The following MIDEAS variants were observed in gnomAD, a reference collection of about 807,000 sequenced individuals.
The protein encoded by MIDEAS is mitotic deacetylase associated SANT domain protein.
In MIDEAS, 26 loss-of-function variants were observed where a neutral mutation model predicts 102.7. The observed-to-expected ratio is 0.25, with a 90% CI of 0.19 to 0.35. MIDEAS has a LOEUF of 0.35. Among genes scored for constraint, MIDEAS ranks in the 10% least tolerant of loss-of-function variants. The pLI, the probability that MIDEAS is intolerant of heterozygous loss-of-function variation, is 1.00. For missense variants in MIDEAS, 1,231 were observed against 1,435.6 expected, an observed-to-expected ratio of 0.86 and a Z score of 2.30; for synonymous variants, 585 against 591.0, an observed-to-expected ratio of 0.99 and a Z score of 0.15.
At chr14:73,730,913 G>A (rs149920940) in intron 3 of MIDEAS, among the ~76,000 whole-genome samples, 3,437 of 152,200 alleles carry the variant, frequency 0.023, 56 homozygotes, top group Middle Eastern at 0.037. Context: ...AGCCAAGGTC[G>A]TGCCACTGCA....
chr14:73,721,200 A>G (rs2052983888), intron 11 of MIDEAS, 97 bp downstream of exon 11: 2 of 1,125,058 alleles, frequency 1.8e-6, no homozygotes, highest in Admixed American at 3.5e-5. Context: ...TTATGATTAT[A>G]ATGAGGATCA....
At chr14:73,743,867 G>A (rs1393470678) in intron 1 of MIDEAS, among the ~76,000 whole-genome samples, 2 of 152,000 alleles carry the variant, frequency 1.3e-5, no homozygotes, top group Non-Finnish European at 1.5e-5. Flanking sequence ...TGACTGTCAC[G>A]CTCTATTCAC....
chr14:73,769,326 A>C (rs894401541), intron 1 of MIDEAS, among the ~76,000 whole-genome samples: 1 of 152,244 alleles, frequency 6.6e-6, no homozygotes, highest in Admixed American at 6.5e-5. Context: ...GAGGCTCTGC[A>C]GTCACAGGAC....
At chr14:73,750,818 T>C (rs1293486337) in intron 1 of MIDEAS, among the ~76,000 whole-genome samples, 3 of 152,236 alleles carry the variant, frequency 2.0e-5, no homozygotes, top group South Asian at 2.1e-4. Flanking sequence ...CAATGCTTCA[T>C]GCCTCCATTT....
At chr14:73,786,009 C>T (rs960894006) in intron 1 of MIDEAS, among the ~76,000 whole-genome samples, 1 of 152,238 alleles carries the variant, frequency 6.6e-6, no homozygotes, top group East Asian at 1.9e-4. Context: ...TGTGTATAAA[C>T]ATCCACGCCA....
rs1242452554 is a variant in MIDEAS, at chr14:73,715,693, G to A, written c.*3150C>T. On this transcript the variant is annotated 3_prime_UTR_variant, in exon 13 of 13. Coordinates refer to ENST00000423556, the MANE Select transcript of MIDEAS (RefSeq NM_001367710.1). ...TACCGTCCCAGAAAAGCGAGCCCCA[G>A]TGAAAACAACTAAACAGGCTGAGGC... 1 of 152,584 alleles carries A rather than the reference G, an allele frequency of 6.6e-6. No individual in the cohort carries two copies. The highest frequency in any genetic ancestry group is 6.5e-5 in the Admixed American group (1 of 15,284). The allele number at this position is 152,584 out of a possible 1,614,324, so 9.5% of individuals were successfully genotyped here.
At chr14:73,730,040 A>G (rs768199211) in intron 3 of MIDEAS, 55 bp from the exon 4 acceptor site, 4 of 1,562,048 alleles carry the variant, frequency 2.6e-6, no homozygotes, top group Admixed American at 3.5e-5. Context: ...CAGAGAAAGT[A>G]AAGTCTTAAC....
At chr14:73,765,890 TC>T (rs1486418121) in intron 1 of MIDEAS, among the ~76,000 whole-genome samples, 1 of 152,104 alleles carries the variant, frequency 6.6e-6, no homozygotes, top group Non-Finnish European at 1.5e-5. Context: ...TGGTACAATG[TC>T]CCCCAGATGC....
At chr14:73,775,734 C>T (rs554841869) in intron 1 of MIDEAS, among the ~76,000 whole-genome samples, 1 of 152,156 alleles carries the variant, frequency 6.6e-6, no homozygotes, top group African/African-American at 2.4e-5. Context: ...AACTGAATGA[C>T]CAAGATTCCA....
chr14:73,748,621 A>G (rs1480800277), intron 1 of MIDEAS, among the ~76,000 whole-genome samples: 1 of 151,626 alleles, frequency 6.6e-6, no homozygotes. Context: ...CTAATATCAG[A>G]CAAAATATGT....
Position 73,721,309 on chromosome 14 carries a change from C to T in MIDEAS, c.2925G>A (p.Gln975=). The T allele has an allele frequency of 6.2e-7, 1 of 1,613,164 alleles. No homozygotes were observed. The highest frequency in any genetic ancestry group is 2.2e-5 in the East Asian group (1 of 44,874). The change falls in exon 11 of 13, where the codon CAG becomes CAA. Residue 975 remains glutamine (Q), a synonymous_variant. Transcript: ENST00000423556. ...TGGTCACACTCACCGACTCATTGGCCTGTAGTGTCTGCGTGGCTTTGACTG... is the reference window on the plus strand; with the variant it reads ...TGGTCACACTCACCGACTCATTGGCTTGTAGTGTCTGCGTGGCTTTGACTG... The part of the protein sequence containing the change: ...AAAVKATQTL[Q]ANESASDILI...
intron 3 of MIDEAS, among the ~76,000 whole-genome samples, chr14:73,736,653 A>G (rs1010347931): frequency 6.6e-6 from 1 of 151,890 alleles, no homozygotes; most frequent in Non-Finnish European, 1.5e-5. Context: ...AAAGATGTCA[A>G]GATCTCAGTA....
At chr14:73,788,300 T>G (rs2053837799), upstream of MIDEAS, among the ~76,000 whole-genome samples, 1 of 152,240 alleles carries the variant, frequency 6.6e-6, no homozygotes, top group South Asian at 2.1e-4. Context: ...TTTTCCTTTT[T>G]TCCCCAAATA....
intron 1 of MIDEAS, among the ~76,000 whole-genome samples, chr14:73,743,383 G>A (rs1042187589): frequency 6.6e-6 from 1 of 152,184 alleles, no homozygotes; most frequent in South Asian, 2.1e-4. Context: ...CAGCAGATGT[G>A]TGAGGTCTAC....
chr14:73,730,287 T>C (rs1595259809), intron 3 of MIDEAS: 1 of 488,328 alleles, frequency 2.0e-6, no homozygotes, highest in East Asian at 4.3e-5. Flanking sequence ...CTGTATAAAA[T>C]TGTAACACAT....
Position 73,738,710 on chromosome 14 carries a change from G to A in MIDEAS, c.1299C>T (p.Gly433=). 6.2e-7 allele frequency: 1 copy of A among 1,613,488 alleles called. No homozygotes were observed. Among genetic ancestry groups the A allele is most frequent in the Non-Finnish European group, 8.5e-7 (1 of 1,179,754 alleles). ...REAPAMGSEE[G]MRAVSTGDCG... is the part of the protein sequence containing the mutation. ...AGTCCCCTGTGCTCACTGCCCTCATGCCCTCCTCGCTGCCCATGGCAGGAG... is the reference window on the plus strand; with the variant it reads ...AGTCCCCTGTGCTCACTGCCCTCATACCCTCCTCGCTGCCCATGGCAGGAG... The change falls in exon 2 of 13, where the codon GGC becomes GGT. Residue 433 remains glycine (G), a synonymous_variant. Transcript: ENST00000423556.
At chr14:73,722,623 G>A in intron 10 of MIDEAS, 75 bp downstream of exon 10, 2 of 1,554,822 alleles carry the variant, frequency 1.3e-6, no homozygotes, top group Admixed American at 3.6e-5. Context: ...GAGAGCTCGG[G>A]CTCGGGCTCC....
chr14:73,736,025 T>C (rs1258116740), intron 3 of MIDEAS, among the ~76,000 whole-genome samples: 1 of 152,080 alleles, frequency 6.6e-6, no homozygotes, highest in Non-Finnish European at 1.5e-5. Flanking sequence ...GGCTTCGTGA[T>C]GCATGCCTGT....
intron 12 of MIDEAS, 81 bp downstream of exon 12, chr14:73,719,224 C>CCCCG: frequency 1.4e-6 from 2 of 1,395,240 alleles, no homozygotes; most frequent in Non-Finnish European, 1.9e-6. Context: ...GTACCTCTTC[C>CCCCG]CCCTCCCCTC....
Sources: gnomAD v4.1 joint callset for allele counts (sites outside exome capture counted in the v4.1 genomes callset) on GRCh38, gnomAD v4.1.1 for gene constraint, MANE v1.5 for transcripts, NCBI Gene and HGNC (gene_info 2026-07-23, HGNC 2026-07-21) for gene names.